Variants in IL16 observed in about 807,000 individuals in gnomAD.
The protein encoded by IL16 is interleukin 16.
Under a neutral mutation model 110.1 loss-of-function variants are expected in IL16, and 67 were observed. The ratio of observed to expected loss-of-function variants is 0.61; its 90% CI spans 0.50 to 0.75. The LOEUF (loss-of-function observed/expected upper bound fraction) is 0.75. Ranked by LOEUF, IL16 falls within the 30% of genes least tolerant of loss-of-function variation. IL16 has a pLI of 0.00. For missense variants in IL16, 1,545 were observed against 1,655.0 expected, an observed-to-expected ratio of 0.93 and a Z score of 1.15; for synonymous variants, 689 against 662.9, an observed-to-expected ratio of 1.04 and a Z score of -0.61.
At chr15:81,193,978 T>G (rs2141928307), upstream of IL16, among the ~76,000 whole-genome samples, 1 of 152,174 alleles carries the variant, frequency 6.6e-6, no homozygotes, top group South Asian at 2.1e-4. Flanking sequence ...TTCTGCGTCA[T>G]GTTACATTAC....
At chr15:81,261,502 G>A (rs1302985955) in intron 3 of IL16, among the ~76,000 whole-genome samples, 1 of 152,226 alleles carries the variant, frequency 6.6e-6, no homozygotes, top group African/African-American at 2.4e-5. Flanking sequence ...TGCAGTGCTG[G>A]TGGTGGCTGT....
At position 81,225,415 on chromosome 15, in the gene IL16, C is replaced by T. The variant is rs202011202; in HGVS notation, c.16C>T (p.Arg6Cys). ...CTCTTTGAGGATGGAGTCGCACAGCCGCGCTGGAAAGAGCAGAAAATCTGC... is the reference window on the plus strand; with the variant it reads ...CTCTTTGAGGATGGAGTCGCACAGCTGCGCTGGAAAGAGCAGAAAATCTGC... MESHS[R>C]AGKSRKSAKF... is the part of the protein sequence containing the mutation. The change falls in exon 2 of 19, where the codon CGC becomes TGC. Residue 6 changes from arginine to cysteine, a missense_variant. This residue lies in a region of IL16 where 1,185 missense variants were observed against 1,238.8 expected (regional missense o/e 0.96). Transcript: ENST00000683961. 126 of 1,613,924 alleles carry T rather than the reference C, an allele frequency of 7.8e-5. 1 individual carries two copies. In the Middle Eastern group the frequency reaches 9.9e-4, roughly 13 times the overall value.
intron 1 of IL16, among the ~76,000 whole-genome samples, chr15:81,199,329 G>T (rs1045886079): frequency 6.6e-6 from 1 of 152,146 alleles, no homozygotes; most frequent in Non-Finnish European, 1.5e-5. Flanking sequence ...TTGTAAACTA[G>T]ACAGTGTTGC....
At chr15:81,282,522 C>A in intron 8 of IL16, 117 bp from the exon 9 acceptor site, 1 of 757,150 alleles carries the variant, frequency 1.3e-6, no homozygotes, top group Non-Finnish European at 2.3e-6. Flanking sequence ...TCTGTGAATA[C>A]GGGTGGGATG....
Position 81,303,354 on chromosome 15 carries a change from T to C in IL16, c.3319-195T>C, listed in dbSNP as rs879090106. ...CTTGCTGCTTTACATACATTTTTTT[T>C]TTCTTCTAAGCTTCCCATGACTCCT... is the stretch of plus-strand genomic sequence containing the variant. On this transcript the variant is annotated intron_variant, in intron 15 of 18. Transcript: ENST00000683961. The surrounding 1 kb of genome is among the most constrained non-coding windows in gnomAD (Gnocchi z 4.1). 3.9e-5 allele frequency: 22 copies of C among 563,610 alleles called. 1 individual carries two copies. In the Admixed American group the frequency reaches 4.1e-4, roughly 10 times the overall value. The allele number at this position is 563,610 out of a possible 1,614,324, so 34.9% of individuals were successfully genotyped here.
Position 81,199,638 on chromosome 15 carries a change from G to A in IL16, c.-102+2486G>A, listed in dbSNP as rs371510746. Among the ~76,000 whole-genome samples, 38 of 152,262 alleles carry A rather than the reference G, an allele frequency of 2.5e-4. No individual in the cohort carries two copies. The East Asian group carries it at 3.1e-3, about 12-fold the overall frequency. On this transcript the variant is annotated intron_variant, in intron 1 of 18. Coordinates refer to ENST00000683961, the MANE Select transcript of IL16 (RefSeq NM_172217.5). Reference sequence around the variant, plus strand: ...ACAGCAGCTAAGACATGGCTACCTTGCTCAGCCAATAGGAGGCGGTCACCT... The same window carrying A: ...ACAGCAGCTAAGACATGGCTACCTTACTCAGCCAATAGGAGGCGGTCACCT...
chr15:81,249,000 C>T (rs1397461381), intron 2 of IL16, among the ~76,000 whole-genome samples: 1 of 152,050 alleles, frequency 6.6e-6, no homozygotes, highest in Non-Finnish European at 1.5e-5. Context: ...GGATTACAGA[C>T]AGACATAAGC....
At chr15:81,192,870 C>T (rs540145901), upstream of IL16, among the ~76,000 whole-genome samples, 5 of 152,120 alleles carry the variant, frequency 3.3e-5, no homozygotes, top group Admixed American at 1.3e-4. Context: ...ATAGAGCCAA[C>T]GAGAATCACT....
intron 9 of IL16, 59 bp from the exon 10 acceptor site, chr15:81,285,639 G>A (rs1899410909): frequency 1.9e-6 from 3 of 1,590,778 alleles, no homozygotes; most frequent in Admixed American, 1.7e-5. Context: ...CTGGGGCAGT[G>A]ACTGTTCAAA....
intron 2 of IL16, among the ~76,000 whole-genome samples, chr15:81,242,562 A>G (rs76881361): frequency 0.012 from 1,803 of 152,330 alleles, 36 homozygotes; most frequent in African/African-American, 0.042. Flanking sequence ...TAGAAATACA[A>G]TTGATTTTTG....
At chr15:81,258,019 C>A (rs1898011384) in intron 2 of IL16, among the ~76,000 whole-genome samples, 1 of 152,146 alleles carries the variant, frequency 6.6e-6, no homozygotes, top group South Asian at 2.1e-4. Context: ...GATGTACACA[C>A]ACACAGAGCA....
chr15:81,285,642 T>G, intron 9 of IL16, 56 bp from the exon 10 acceptor site: 1 of 1,596,476 alleles, frequency 6.3e-7, no homozygotes, highest in Non-Finnish European at 8.6e-7. Context: ...GGGCAGTGAC[T>G]GTTCAAATGT....
chr15:81,241,689 A>G (rs1395487809), intron 2 of IL16, among the ~76,000 whole-genome samples: 3 of 152,124 alleles, frequency 2.0e-5, no homozygotes, highest in Non-Finnish European at 4.4e-5. Flanking sequence ...AACAATACAG[A>G]GAAGTCTGTG....
intron 1 of IL16, among the ~76,000 whole-genome samples, chr15:81,205,707 G>C (rs908651643): frequency 6.6e-6 from 1 of 151,924 alleles, no homozygotes; most frequent in African/African-American, 2.4e-5. Context: ...GTTTAAAAAA[G>C]GGAAACAAAA....
At chr15:81,200,640 G>C (rs1470588375) in intron 1 of IL16, among the ~76,000 whole-genome samples, 2 of 152,180 alleles carry the variant, frequency 1.3e-5, no homozygotes, top group African/African-American at 4.8e-5. Flanking sequence ...CAAAGTGCTG[G>C]AATTAAAGTC....
At chr15:81,289,628 TTTG>T (rs534864821) in intron 10 of IL16, among the ~76,000 whole-genome samples, 9 of 152,206 alleles carry the variant, frequency 5.9e-5, no homozygotes, top group East Asian at 5.8e-4. Flanking sequence ...ATCAGGTTGT[TTTG>T]TTGTTGTTGT....
intron 1 of IL16, among the ~76,000 whole-genome samples, chr15:81,203,823 A>G (rs1343305898): frequency 3.9e-5 from 6 of 152,154 alleles, no homozygotes; most frequent in Non-Finnish European, 1.5e-5. Context: ...TTGGTTCCAT[A>G]TGAACTTTAA....
chr15:81,276,850 ACTATACTACAT>A (rs1290277178), intron 6 of IL16, among the ~76,000 whole-genome samples: 3 of 152,238 alleles, frequency 2.0e-5, no homozygotes, highest in African/African-American at 7.2e-5. Context: ...AAGATTACAT[ACTATACTACAT>A]CAGGAAATGT....
chr15:81,194,415 T>C (rs1167431191), upstream of IL16, among the ~76,000 whole-genome samples: 1 of 151,794 alleles, frequency 6.6e-6, no homozygotes, highest in Non-Finnish European at 1.5e-5. Flanking sequence ...AATTAAAAAT[T>C]TTTGTAATTT....
Sources: gnomAD v4.1 joint callset for allele counts (sites outside exome capture counted in the v4.1 genomes callset) on GRCh38, gnomAD v4.1.1 for gene constraint, gnomAD v4.1.1 regional missense constraint, Gnocchi (gnomAD v3.1) non-coding constraint, MANE v1.5 for transcripts, NCBI Gene and HGNC (gene_info 2026-07-23, HGNC 2026-07-21) for gene names.